The following VANGL1 variants were observed in gnomAD, a reference collection of about 807,000 sequenced individuals.
The protein encoded by VANGL1 is vang-like protein 1.
In VANGL1, 18 loss-of-function variants were observed where a neutral mutation model predicts 48.4. That is an observed-to-expected ratio of 0.37 (90% CI 0.26 to 0.55). The LOEUF (loss-of-function observed/expected upper bound fraction) is 0.55, where lower values mean the gene tolerates loss of function less well. VANGL1 is among the 20% of genes least tolerant of loss of function. The probability of loss-of-function intolerance (pLI) is 0.81; values close to 1 mark genes in which losing one functional copy is unlikely to be tolerated. For missense variants in VANGL1, 667 were observed against 675.8 expected (o/e 0.99, Z 0.14); for synonymous variants, 257 against 261.8 (o/e 0.98, Z 0.18).
At chr1:115,690,272 A>T (rs930472062) in intron 7 of VANGL1, among the ~76,000 whole-genome samples, 7 of 152,232 alleles carry the variant, frequency 4.6e-5, no homozygotes, top group Non-Finnish European at 8.8e-5. Flanking sequence ...CTGAAGGAGG[A>T]CATGTTAATC....
chr1:115,654,673 A>G lies in VANGL1; in HGVS notation c.71+3189A>G, dbSNP rs181456861. Among the ~76,000 whole-genome samples, 771 of 152,260 alleles carry G rather than the reference A, an allele frequency of 5.1e-3. 10 individuals are homozygous for G. Among genetic ancestry groups the G allele is most frequent in the African/African-American group, 0.017 (695 of 41,550 alleles). ...TGCCATGTCACCACAGGCCCCGTCC[A>G]GCAGCACCTGCCCCGAGCTCCTTCT... On this transcript the variant is annotated intron_variant, in intron 2 of 7. Transcript: ENST00000355485.
chr1:115,679,202 G>T (rs1435368632), intron 4 of VANGL1, among the ~76,000 whole-genome samples: 2 of 152,204 alleles, frequency 1.3e-5, no homozygotes, highest in Non-Finnish European at 2.9e-5. Context: ...AGCCTGTGGG[G>T]CTGGCCAAGC....
At chr1:115,685,649 T>C in intron 7 of VANGL1, 122 bp downstream of exon 7, 2 of 1,004,698 alleles carry the variant, frequency 2.0e-6, no homozygotes, top group South Asian at 2.8e-5. Context: ...ACTCAAGTAA[T>C]AAGAATTAGT....
At chr1:115,659,482 G>A (rs890903870) in intron 2 of VANGL1, among the ~76,000 whole-genome samples, 159 bp from the exon 3 acceptor site, 2 of 150,080 alleles carry the variant, frequency 1.3e-5, no homozygotes, top group African/African-American at 5.0e-5. Flanking sequence ...GAAGTGTGGT[G>A]AAGATGGGTG....
chr1:115,684,489 G>A (rs539830833), intron 6 of VANGL1, among the ~76,000 whole-genome samples: 15 of 152,226 alleles, frequency 9.9e-5, no homozygotes, highest in Non-Finnish European at 1.9e-4. Flanking sequence ...TGAGGTTTCT[G>A]TTTAAAAACA....
intron 4 of VANGL1, among the ~76,000 whole-genome samples, chr1:115,669,592 G>A (rs1365316327): frequency 1.3e-5 from 2 of 151,730 alleles, no homozygotes; most frequent in African/African-American, 2.4e-5. Flanking sequence ...CGTTTTATAA[G>A]AGGAAACCTT....
At position 115,691,755 on chromosome 1, in the gene VANGL1, C is replaced by T. The variant is rs1653846504; in HGVS notation, c.*376C>T. 4.7e-6 allele frequency: 1 copy of T among 212,230 alleles called. No homozygotes were observed. The highest frequency in any genetic ancestry group is 9.5e-6 in the Non-Finnish European group (1 of 105,702). 13.1% of individuals were successfully genotyped at this position (212,230 alleles called of 1,614,324 possible). On this transcript the variant is annotated 3_prime_UTR_variant, in exon 8 of 8. Transcript: ENST00000355485. ...TCTGGTCAGCCCACTTGTAGACTTC[C>T]AGGGGACACATCTTTATTCTGTTTC...
intron 1 of VANGL1, among the ~76,000 whole-genome samples, chr1:115,646,934 A>C (rs1651964329): frequency 6.6e-6 from 1 of 152,258 alleles, no homozygotes; most frequent in Non-Finnish European, 1.5e-5. Context: ...AAAACAGGGC[A>C]TGTAAAGGGT....
intron 3 of VANGL1, 139 bp downstream of exon 3, chr1:115,659,912 T>A: frequency 8.1e-7 from 1 of 1,237,280 alleles, no homozygotes; most frequent in Non-Finnish European, 1.1e-6. Context: ...CCATGGTCTC[T>A]TGTTGGTCTA....
At chr1:115,685,668 C>A in intron 7 of VANGL1, 141 bp downstream of exon 7, 1 of 926,458 alleles carries the variant, frequency 1.1e-6, no homozygotes, top group Non-Finnish European at 1.7e-6. Context: ...GTGATTCTCA[C>A]TTATTTTATG....
chr1:115,645,081 G>C (rs184219666), intron 1 of VANGL1, among the ~76,000 whole-genome samples: 95 of 152,238 alleles, frequency 6.2e-4, no homozygotes, highest in African/African-American at 2.2e-3. Flanking sequence ...GATTTGCCCT[G>C]CATCTCTGCC....
chr1:115,689,561 G>T lies in VANGL1; in HGVS notation c.1315-1558G>T, dbSNP rs539171445. On this transcript the variant is annotated intron_variant, in intron 7 of 7. Coordinates refer to ENST00000355485, the MANE Select transcript of VANGL1 (RefSeq NM_138959.3). The stretch of plus-strand genomic sequence containing the variant: ...CTGAGGCAGGAGAATTGCTTGAAAC[G>T]GGAGGCGGAGGTTGCAGTGAGCTGA... Among the ~76,000 whole-genome samples the T allele has an allele frequency of 5.9e-5, 8 of 136,446 alleles. 1 individual carries two copies. Among genetic ancestry groups the T allele is most frequent in the African/African-American group, 1.7e-4 (6 of 36,160 alleles). 89.5% of individuals were successfully genotyped at this position (136,446 alleles called of 152,430 possible).
At position 115,691,323 on chromosome 1, in the gene VANGL1, A is replaced by G; in HGVS notation, c.1519A>G (p.Ile507Val). The G allele has an allele frequency of 3.1e-6, 5 of 1,614,224 alleles. No individual in the cohort carries two copies. Among genetic ancestry groups the G allele is most frequent in the Non-Finnish European group, 4.2e-6 (5 of 1,180,030 alleles). Residue 507 changes from isoleucine (I) to valine (V), a missense_variant, in exon 8 of 8, where the codon ATA becomes GTA. By Grantham distance (29) the Ile-to-Val change is conservative. Transcript: ENST00000355485. ...IPFIILSEEFIDPKSHKFVLR... is the reference protein window; with the variant it reads ...IPFIILSEEFVDPKSHKFVLR... ...ATTCATCATACTCTCTGAAGAGTTC[A>G]TAGACCCCAAATCTCACAAATTTGT...
intron 4 of VANGL1, among the ~76,000 whole-genome samples, chr1:115,664,997 C>G (rs972615042): frequency 1.3e-5 from 2 of 152,156 alleles, no homozygotes; most frequent in Non-Finnish European, 2.9e-5. Context: ...TTATTAATCC[C>G]TGTGTCACAG....
intron 2 of VANGL1, among the ~76,000 whole-genome samples, chr1:115,653,107 C>T (rs187087982): frequency 1.4e-4 from 22 of 152,320 alleles, no homozygotes; most frequent in Admixed American, 1.4e-3. Context: ...ATGCCTGTCT[C>T]TGAGTGTAGG....
At chr1:115,647,345 A>G (rs2101293483) in intron 1 of VANGL1, among the ~76,000 whole-genome samples, 1 of 152,272 alleles carries the variant, frequency 6.6e-6, no homozygotes, top group East Asian at 1.9e-4. Context: ...CTTTTCTGAT[A>G]AGGGATTCCT....
At chr1:115,666,393 G>GA (rs1652791378) in intron 4 of VANGL1, among the ~76,000 whole-genome samples, 1 of 152,178 alleles carries the variant, frequency 6.6e-6, no homozygotes, top group Non-Finnish European at 1.5e-5. Context: ...ACAGCCCGAG[G>GA]AAAGTATGCC....
chr1:115,666,668 C>T (rs1570754126), intron 4 of VANGL1, among the ~76,000 whole-genome samples: 1 of 152,178 alleles, frequency 6.6e-6, no homozygotes, highest in Non-Finnish European at 1.5e-5. Flanking sequence ...TGAGGTGGTC[C>T]CCAGCCTCAT....
rs145131432 is a variant in VANGL1, at chr1:115,672,588, C to A, written c.812+8320C>A. On this transcript the variant is annotated intron_variant, in intron 4 of 7. Transcript: ENST00000355485. ...TCTTGAAAGTCCAACCAAGTCCAGG[C>A]CTTTGTTGTGCAGTTTAAACCAGAC... 4.0e-3 allele frequency among the ~76,000 whole-genome samples: 613 copies of A among 152,236 alleles called. 1 individual carries two copies. The highest frequency in any genetic ancestry group is 0.013 in the African/African-American group (541 of 41,546).
Sources: allele counts gnomAD v4.1 joint callset (sites outside exome capture counted in the v4.1 genomes callset), GRCh38; gene constraint gnomAD v4.1.1; transcripts MANE v1.5; gene names NCBI Gene and HGNC (gene_info 2026-07-23, HGNC 2026-07-21).